OR5P3: variants seen among roughly 807,000 people sequenced by gnomAD.
The protein encoded by OR5P3 is olfactory receptor 5P3.
For missense variants in OR5P3, 415 were observed against 375.6 expected, an observed-to-expected ratio of 1.10 and a Z score of -0.87; for synonymous variants, 172 against 141.8, an observed-to-expected ratio of 1.21 and a Z score of -1.51.
Position 7,825,592 on chromosome 11 carries a change from G to A in OR5P3, c.381C>T (p.Cys127=). 1 of 1,613,142 alleles carries A rather than the reference G, an allele frequency of 6.2e-7. No homozygotes were observed. The highest frequency in any genetic ancestry group is 8.5e-7 in the Non-Finnish European group (1 of 1,180,018). The change falls in exon 2 of 2, where the codon TGC becomes TGT. Residue 127 remains cysteine (C), a synonymous_variant. Transcript: ENST00000641167. ...TGCAGGTAGAGTAGAGCAGGGGTGA[G>A]CAGATGGCCACATAGCGATCATAGG... ...AMAYDRYVAI[C]SPLLYSTCMS... is the part of the protein sequence containing the mutation.
In OR5P3 at chr11:7,825,063, C is replaced by T. The variant is rs756812649; in HGVS notation, c.910G>A (p.Glu304Lys). The change falls in exon 2 of 2, where the codon GAG (glutamate) becomes AAG (lysine). Residue 304 changes from glutamate (E) to lysine (K), a missense_variant. Glu to Lys is a moderately conservative substitution (Grantham distance 56, BLOSUM62 1). Transcript: ENST00000641167. Reference sequence around the variant, plus strand: ...CAAGAAAATATTTTTATTCTAAGCTCTCTCTTCAGAGCCCCCTTAATCTCC... The same window carrying T: ...CAAGAAAATATTTTTATTCTAAGCTTTCTCTTCAGAGCCCCCTTAATCTCC... Reference protein sequence around the residue: ...NKEIKGALKRELRIKIFS With the variant: ...NKEIKGALKRKLRIKIFS 2 of 1,613,980 alleles carry T rather than the reference C, an allele frequency of 1.2e-6. No individual in the cohort carries two copies. The highest frequency in any genetic ancestry group is 2.2e-5 in the South Asian group (2 of 91,058).
chr11:7,826,412 A>C (rs1857742630), intron 1 of OR5P3, among the ~76,000 whole-genome samples: 1 of 152,224 alleles, frequency 6.6e-6, no homozygotes, highest in African/African-American at 2.4e-5. Flanking sequence ...TTGAGGTATC[A>C]TCTATTGTAT....
Position 7,825,856 on chromosome 11 carries a change from T to C in OR5P3, c.117A>G (p.Leu39=), listed in dbSNP as rs1373527476. The C allele has an allele frequency of 6.2e-7, 1 of 1,611,516 alleles. No homozygotes were observed. The highest frequency in any genetic ancestry group is 2.2e-5 in the East Asian group (1 of 44,888). ...ATACAATTATGCTGATATTACCCAT[T>C]AAGGTGACAACATAAATTCCTAGAA... ...LVFLGIYVVT[L]MGNISIIVLI... is the part of the protein sequence containing the mutation. Residue 39 remains leucine (L), a synonymous_variant, in exon 2 of 2, where the codon TTA becomes TTG. Transcript: ENST00000641167.
Position 7,825,372 on chromosome 11 carries a change from T to C in OR5P3, c.601A>G (p.Ile201Val), listed in dbSNP as rs958813759. The C allele has an allele frequency of 8.1e-6, 13 of 1,612,920 alleles. No individual in the cohort carries two copies. Among genetic ancestry groups the C allele is most frequent in the South Asian group, 5.5e-5 (5 of 91,084 alleles). Residue 201 changes from isoleucine to valine, a missense_variant, in exon 2 of 2, where the codon ATC becomes GTC. Ile to Val is a conservative substitution (Grantham distance 29, BLOSUM62 3). Coordinates refer to ENST00000641167, the MANE Select transcript of OR5P3 (RefSeq NM_153445.2). ...GCCACAATGATAGATCCAGAAGAGA[T>C]AGCTGGAATTATTTCAAAAGTAAAA... ...HDFTFEIIPA[I>V]SSGSIIVATV... is the part of the protein sequence containing the mutation.
chr11:7,828,994 C>T (rs968356742), intron 1 of OR5P3, among the ~76,000 whole-genome samples: 18 of 151,752 alleles, frequency 1.2e-4, no homozygotes, highest in Non-Finnish European at 2.4e-4. Context: ...AAGAAAATTT[C>T]CAAAATGAGA....
rs1589930926 is a variant in OR5P3 at position 7,825,284 on chromosome 11, G to A, written c.689C>T (p.Ser230Phe). Reference protein sequence around the residue: ...YILITILKMHSTKGRHKAFST... With the variant: ...YILITILKMHFTKGRHKAFST... ...GAAGGCCTTGTGGCGGCCCTTGGTG[G>A]AGTGCATCTTCAGGATGGTGATGAG... The change falls in exon 2 of 2, where the codon TCC (serine) becomes TTC (phenylalanine). Residue 230 changes from serine (S) to phenylalanine (F), a missense_variant. Transcript: ENST00000641167. The A allele has an allele frequency of 3.7e-6, 6 of 1,613,152 alleles. No individual in the cohort carries two copies. Among genetic ancestry groups the A allele is most frequent in the African/African-American group, 1.3e-5 (1 of 74,098 alleles).
chr11:7,830,137 A>G (rs1046973544), intron 1 of OR5P3, among the ~76,000 whole-genome samples: 1 of 152,192 alleles, frequency 6.6e-6, no homozygotes, highest in African/African-American at 2.4e-5. Context: ...GCTCTCAAGC[A>G]GACTGAACGC....
Position 7,825,079 on chromosome 11 carries a change from C to A in OR5P3, c.894G>T (p.Lys298Asn), listed in dbSNP as rs1400629443. Residue 298 changes from lysine (K) to asparagine (N), a missense_variant, in exon 2 of 2, where the codon AAG becomes AAT. By Grantham distance (94) the Lys-to-Asn change is moderately conservative. Coordinates refer to ENST00000641167, the MANE Select transcript of OR5P3 (RefSeq NM_153445.2). ...LIYSLRNKEI[K>N]GALKRELRIK... is the part of the protein sequence containing the mutation. Reference sequence around the variant, plus strand: ...TTCTAAGCTCTCTCTTCAGAGCCCCCTTAATCTCCTTGTTCCTGAGGCTGT... The same window carrying A: ...TTCTAAGCTCTCTCTTCAGAGCCCCATTAATCTCCTTGTTCCTGAGGCTGT... 6.2e-7 allele frequency: 1 copy of A among 1,613,946 alleles called. No homozygotes were observed. The highest frequency in any genetic ancestry group is 8.5e-7 in the Non-Finnish European group (1 of 1,180,034).
In OR5P3 at chr11:7,825,325, T is replaced by A. The variant is rs374173943; in HGVS notation, c.648A>T (p.Ile216=). The change falls in exon 2 of 2, where the codon ATA becomes ATT. Residue 216 remains isoleucine, a synonymous_variant. Transcript: ENST00000641167. ...TGGTGATGAGGATATAGATGTAGGA[T>A]ATGGCTATGACACACACAGTGGCCA... The part of the protein sequence containing the change: ...IIVATVCVIA[I]SYIYILITIL... 132 of 1,613,124 alleles carry A rather than the reference T, an allele frequency of 8.2e-5. No homozygotes were observed. Among genetic ancestry groups the A allele is most frequent in the Non-Finnish European group, 1.1e-4 (129 of 1,180,038 alleles).
chr11:7,827,661 G>C (rs1857759701), intron 1 of OR5P3, among the ~76,000 whole-genome samples: 1 of 152,136 alleles, frequency 6.6e-6, no homozygotes, highest in East Asian at 1.9e-4. Flanking sequence ...TATTCTACCA[G>C]TGAAAACAAG....
intron 1 of OR5P3, among the ~76,000 whole-genome samples, chr11:7,826,449 C>T (rs372373439): frequency 1.2e-4 from 19 of 152,246 alleles, no homozygotes; most frequent in African/African-American, 2.9e-4. Flanking sequence ...TTAAGAATTC[C>T]GAATTCCAAA....
chr11:7,825,962 C>T lies in OR5P3; in HGVS notation c.11G>A (p.Gly4Glu). ...AAACTCTACCACAGTGGTGTCATTT[C>T]CAGTCCCCATCTATATTGGGAATGG... MGT[G>E]NDTTVVEFTL... The change falls in exon 2 of 2, where the codon GGA (glycine) becomes GAA (glutamate). Residue 4 changes from glycine to glutamate, a missense_variant. Transcript: ENST00000641167. 2 of 1,536,546 alleles carry T rather than the reference C, an allele frequency of 1.3e-6. No individual in the cohort carries two copies. Among genetic ancestry groups the T allele is most frequent in the South Asian group, 1.2e-5 (1 of 84,142 alleles).
chr11:7,825,954 T>C lies in OR5P3; in HGVS notation c.19A>G (p.Thr7Ala). Residue 7 changes from threonine (T) to alanine (A), a missense_variant, in exon 2 of 2, where the codon ACC becomes GCC. Transcript: ENST00000641167. MGTGND[T>A]TVVEFTLLGL... ...AAAAGAGTAAACTCTACCACAGTGGTGTCATTTCCAGTCCCCATCTATATT... is the reference window on the plus strand; with the variant it reads ...AAAAGAGTAAACTCTACCACAGTGGCGTCATTTCCAGTCCCCATCTATATT... 1 of 1,556,734 alleles carries C rather than the reference T, an allele frequency of 6.4e-7. No homozygotes were observed. The highest frequency in any genetic ancestry group is 8.7e-7 in the Non-Finnish European group (1 of 1,146,280).
chr11:7,830,211 C>T (rs1482800), intron 1 of OR5P3, among the ~76,000 whole-genome samples: 1 of 152,058 alleles, frequency 6.6e-6, no homozygotes, highest in Admixed American at 6.6e-5. Context: ...CATACACACA[C>T]ACACACTGGC....
chr11:7,828,705 C>A (rs1264577363), intron 1 of OR5P3, among the ~76,000 whole-genome samples: 2 of 151,984 alleles, frequency 1.3e-5, no homozygotes, highest in African/African-American at 4.8e-5. Context: ...GTTAAAAAAA[C>A]AAAAAAACTG....
chr11:7,825,018 T>C lies in OR5P3; in HGVS notation c.*19A>G. 1 of 1,569,672 alleles carries C rather than the reference T, an allele frequency of 6.4e-7. No homozygotes were observed. The highest frequency in any genetic ancestry group is 8.7e-7 in the Non-Finnish European group (1 of 1,151,138). ...TATAGAATATTAATATATCAGATTC[T>C]TCAAACTAACTAGTTTCATCAAGAA... On this transcript the variant is annotated 3_prime_UTR_variant, in exon 2 of 2. Coordinates refer to ENST00000641167, the MANE Select transcript of OR5P3 (RefSeq NM_153445.2).
chr11:7,825,141 A>G lies in OR5P3; in HGVS notation c.832T>C (p.Tyr278His), dbSNP rs1460384033. ...TDQNKVVSVF[Y>H]TVVIPMLNPL... is the part of the protein sequence containing the mutation. ...TTCAACATGGGAATCACCACGGTGTAGAACACAGACACCACCTTGTTCTGG... is the reference window on the plus strand; with the variant it reads ...TTCAACATGGGAATCACCACGGTGTGGAACACAGACACCACCTTGTTCTGG... The change falls in exon 2 of 2, where the codon TAC becomes CAC. Residue 278 changes from tyrosine (Y) to histidine (H), a missense_variant. Coordinates refer to ENST00000641167, the MANE Select transcript of OR5P3 (RefSeq NM_153445.2). 1 of 1,606,638 alleles carries G rather than the reference A, an allele frequency of 6.2e-7. No homozygotes were observed. The highest frequency in any genetic ancestry group is 8.5e-7 in the Non-Finnish European group (1 of 1,179,960).
In OR5P3 at chr11:7,825,955, G is replaced by T. The variant is rs753330127; in HGVS notation, c.18C>A (p.Asp6Glu). 4 of 1,544,648 alleles carry T rather than the reference G, an allele frequency of 2.6e-6. No individual in the cohort carries two copies. Among genetic ancestry groups the T allele is most frequent in the Non-Finnish European group, 3.5e-6 (4 of 1,137,478 alleles). ...AAAGAGTAAACTCTACCACAGTGGTGTCATTTCCAGTCCCCATCTATATTG... is the reference window on the plus strand; with the variant it reads ...AAAGAGTAAACTCTACCACAGTGGTTTCATTTCCAGTCCCCATCTATATTG... MGTGN[D>E]TTVVEFTLLG... The change falls in exon 2 of 2, where the codon GAC becomes GAA. Residue 6 changes from aspartate (D) to glutamate (E), a missense_variant. Transcript: ENST00000641167.
chr11:7,829,214 A>G (rs552431224), intron 1 of OR5P3, among the ~76,000 whole-genome samples: 33 of 152,316 alleles, frequency 2.2e-4, no homozygotes, highest in African/African-American at 7.5e-4. Context: ...AAGATGGGGA[A>G]GAATGTTGCA....
Sources: gnomAD v4.1 joint callset for allele counts (sites outside exome capture counted in the v4.1 genomes callset) on GRCh38, gnomAD v4.1.1 for gene constraint, MANE v1.5 for transcripts, NCBI Gene and HGNC (gene_info 2026-07-23, HGNC 2026-07-21) for gene names.